ARL6IP5: variants seen among roughly 807,000 people sequenced by gnomAD.
ARL6IP5 encodes ARF like GTPase 6 interacting protein 5.
In ARL6IP5, 6 loss-of-function variants were observed where a neutral mutation model predicts 13.0. The ratio of observed to expected loss-of-function variants is 0.46; its 90% CI spans 0.25 to 0.91. The LOEUF (loss-of-function observed/expected upper bound fraction) is 0.91, where lower values mean the gene tolerates loss of function less well. Among genes scored for constraint, ARL6IP5 ranks in the 40% least tolerant of loss-of-function variants. The probability of loss-of-function intolerance (pLI) is 0.17; values close to 1 mark genes in which losing one functional copy is unlikely to be tolerated. For missense variants in ARL6IP5, 208 were observed against 248.8 expected, an observed-to-expected ratio of 0.84 and a Z score of 1.10; for synonymous variants, 91 against 91.9, an observed-to-expected ratio of 0.99 and a Z score of 0.06.
chr3:69,104,470 T>C lies in ARL6IP5; in HGVS notation c.401T>C (p.Phe134Ser), dbSNP rs750248217. 4.8e-5 allele frequency: 78 copies of C among 1,613,140 alleles called. No homozygotes were observed. Among genetic ancestry groups the C allele is most frequent in the Non-Finnish European group, 6.4e-5 (75 of 1,179,508 alleles). ...FGITFPLLLM[F>S]IHASLRLRNL... ...AGGTGTCCCTTCTCTGCAGTGATGT[T>C]TATCCATGCATCGTTGAGACTTCGG... Residue 134 changes from phenylalanine to serine, a missense_variant, in exon 3 of 3, where the codon TTT becomes TCT. Phe to Ser is a radical substitution (Grantham distance 155). Transcript: ENST00000273258.
chr3:69,086,770 T>G (rs2092249030), intron 1 of ARL6IP5, among the ~76,000 whole-genome samples: 1 of 150,610 alleles, frequency 6.6e-6, no homozygotes, highest in Admixed American at 6.6e-5. Flanking sequence ...TCGCCCAGGC[T>G]GGAGTGCAGT....
intron 1 of ARL6IP5, among the ~76,000 whole-genome samples, chr3:69,090,441 C>T (rs2092261622): frequency 6.6e-6 from 1 of 152,196 alleles, no homozygotes; most frequent in South Asian, 2.1e-4. Context: ...CAAGACCACA[C>T]TGAACACATG....
At chr3:69,091,932 G>T (rs1345007992) in intron 1 of ARL6IP5, among the ~76,000 whole-genome samples, 1 of 152,070 alleles carries the variant, frequency 6.6e-6, no homozygotes, top group Admixed American at 6.5e-5. Context: ...TGGAAATTTT[G>T]TATTTTTTAT....
chr3:69,092,772 A>C (rs1380142588), intron 1 of ARL6IP5, among the ~76,000 whole-genome samples: 1 of 150,304 alleles, frequency 6.7e-6, no homozygotes, highest in African/African-American at 2.4e-5. Flanking sequence ...CCCCCACCTC[A>C]GCCTCCCAAA....
chr3:69,105,212 C>CTGT lies in ARL6IP5; in HGVS notation c.*578_*580dup, dbSNP rs1265838527. ...ACTTCCTTTACAAATATAAAGATAG[C>CTGT]TGTTTAGGATATTTTGTTACATTTT... is the stretch of plus-strand genomic sequence containing the variant. On this transcript the variant is annotated 3_prime_UTR_variant, in exon 3 of 3. Transcript: ENST00000273258. 8.1e-6 allele frequency: 2 copies of CTGT among 247,824 alleles called. No homozygotes were observed. Among genetic ancestry groups the CTGT allele is most frequent in the African/African-American group, 4.6e-5 (2 of 43,896 alleles). 15.4% of individuals were successfully genotyped at this position (247,824 alleles called of 1,614,324 possible). A position where few individuals can be genotyped will look rare whatever the true frequency, so the allele number is the denominator to read the frequency against.
intron 1 of ARL6IP5, among the ~76,000 whole-genome samples, chr3:69,094,487 T>C (rs2092280619): frequency 1.3e-5 from 2 of 152,118 alleles, no homozygotes; most frequent in Admixed American, 6.5e-5. Flanking sequence ...CAGTGATCCC[T>C]CTGGCTGATT....
At chr3:69,097,184 A>G (rs112473138) in intron 1 of ARL6IP5, among the ~76,000 whole-genome samples, 4,076 of 152,136 alleles carry the variant, frequency 0.027, 83 homozygotes, top group East Asian at 0.041. Flanking sequence ...TAATTGAGAC[A>G]GGATCTCACT....
At chr3:69,088,485 G>A (rs2092254999) in intron 1 of ARL6IP5, among the ~76,000 whole-genome samples, 1 of 152,216 alleles carries the variant, frequency 6.6e-6, no homozygotes, top group South Asian at 2.1e-4. Flanking sequence ...GATGAGGATA[G>A]AGAGGGCCTC....
chr3:69,105,059 A>G lies in ARL6IP5; in HGVS notation c.*423A>G. 3.5e-6 allele frequency: 2 copies of G among 576,600 alleles called. 1 individual carries two copies. The highest frequency in any genetic ancestry group is 3.8e-5 in the African/African-American group (2 of 53,146). The allele number at this position is 576,600 out of a possible 1,614,324, so 35.7% of individuals were successfully genotyped here. ...TGACATCATGTGTTAGCCTGTTCCT[A>G]ATCCCCTAGAATTGTAATGTGTGGG... is the stretch of plus-strand genomic sequence containing the variant. On this transcript the variant is annotated 3_prime_UTR_variant, in exon 3 of 3. Coordinates refer to ENST00000273258, the MANE Select transcript of ARL6IP5 (RefSeq NM_006407.4).
chr3:69,104,680 A>G lies in ARL6IP5; in HGVS notation c.*44A>G. 6.2e-7 allele frequency: 1 copy of G among 1,600,932 alleles called. No individual in the cohort carries two copies. Among genetic ancestry groups the G allele is most frequent in the Non-Finnish European group, 8.5e-7 (1 of 1,171,486 alleles). ...AGGGTTGCAGCAGAAATTGAGTTGCAGCTTGCCCTTGTCCAGACCTATGTT... is the reference window on the plus strand; with the variant it reads ...AGGGTTGCAGCAGAAATTGAGTTGCGGCTTGCCCTTGTCCAGACCTATGTT... On this transcript the variant is annotated 3_prime_UTR_variant, in exon 3 of 3. Transcript: ENST00000273258.
chr3:69,090,568 T>C lies in ARL6IP5; in HGVS notation c.176+5345T>C, dbSNP rs145524318. On this transcript the variant is annotated intron_variant, in intron 1 of 2. Coordinates refer to ENST00000273258, the MANE Select transcript of ARL6IP5 (RefSeq NM_006407.4). The stretch of plus-strand genomic sequence containing the variant: ...GTACATTATTACTCCAAATTCCAAA[T>C]CTCTCAGGTGTTGGGAATAGGGGAG... Among the ~76,000 whole-genome samples the C allele has an allele frequency of 2.1e-3, 322 of 152,110 alleles. 1 individual carries two copies. Among genetic ancestry groups the C allele is most frequent in the African/African-American group, 7.5e-3 (312 of 41,534 alleles).
chr3:69,094,831 C>T (rs936734508), intron 1 of ARL6IP5, among the ~76,000 whole-genome samples: 7 of 152,130 alleles, frequency 4.6e-5, no homozygotes, highest in South Asian at 2.1e-4. Context: ...AGCTTGCTTA[C>T]GTGTAAAATG....
chr3:69,085,341 A>G (rs982927638), intron 1 of ARL6IP5, 118 bp downstream of exon 1: 4 of 1,329,964 alleles, frequency 3.0e-6, no homozygotes, highest in Non-Finnish European at 4.1e-6. Flanking sequence ...TGCCCTGGCA[A>G]TTCTGCAAGC....
chr3:69,088,179 C>T (rs2092253817), intron 1 of ARL6IP5, among the ~76,000 whole-genome samples: 1 of 152,164 alleles, frequency 6.6e-6, no homozygotes, highest in Non-Finnish European at 1.5e-5. Flanking sequence ...AGAAACCAAA[C>T]ATCTTCAGAG....
At chr3:69,091,180 A>T (rs61086164) in intron 1 of ARL6IP5, among the ~76,000 whole-genome samples, 17,896 of 152,242 alleles carry the variant, frequency 0.12, 1,236 homozygotes, top group East Asian at 0.27. Context: ...AGCCTGGGTA[A>T]CAGAGTGAGA....
At chr3:69,085,669 C>A (rs1395949865) in intron 1 of ARL6IP5, among the ~76,000 whole-genome samples, 1 of 152,146 alleles carries the variant, frequency 6.6e-6, no homozygotes. Flanking sequence ...AAAGGGCAAC[C>A]AAGTGGCGAC....
rs186037758 is a variant in ARL6IP5 at position 69,095,921 on chromosome 3, C to T, written c.177-5918C>T. Among the ~76,000 whole-genome samples, 267 of 152,244 alleles carry T rather than the reference C, an allele frequency of 1.8e-3. 1 individual carries two copies. The highest frequency in any genetic ancestry group is 0.014 in the South Asian group (66 of 4,826). ...TGTCCTAAAAGTCTTTGGGGTTTGT[C>T]GTGATTGCTGTGATAAACAGCCCAA... On this transcript the variant is annotated intron_variant, in intron 1 of 2. Coordinates refer to ENST00000273258, the MANE Select transcript of ARL6IP5 (RefSeq NM_006407.4).
chr3:69,103,606 T>C (rs1039287507), intron 2 of ARL6IP5, among the ~76,000 whole-genome samples: 1 of 152,150 alleles, frequency 6.6e-6, no homozygotes, highest in Non-Finnish European at 1.5e-5. Context: ...TCAGGGTTTT[T>C]CAAAATAAGG....
intron 1 of ARL6IP5, among the ~76,000 whole-genome samples, chr3:69,098,240 C>CTTTTTTTTT (rs34413250): frequency 5.6e-5 from 4 of 71,822 alleles, no homozygotes; most frequent in African/African-American, 2.5e-4. Flanking sequence ...CCATACCTGG[C>CTTTTTTTTT]TTTTTTTTTT....
Sources: gnomAD v4.1 joint callset for allele counts (sites outside exome capture counted in the v4.1 genomes callset) on GRCh38, gnomAD v4.1.1 for gene constraint, MANE v1.5 for transcripts, NCBI Gene and HGNC (gene_info 2026-07-23, HGNC 2026-07-21) for gene names.